The following INSRR variants were observed in gnomAD, a reference collection of about 807,000 sequenced individuals.
INSRR encodes the protein insulin receptor related receptor.
A neutral mutation model predicts 130.0 loss-of-function variants in INSRR; 114 were observed. That is an observed-to-expected ratio of 0.88 (90% CI 0.75 to 1.02). The LOEUF (loss-of-function observed/expected upper bound fraction) is 1.02, where lower values mean the gene tolerates loss of function less well. Among genes scored for constraint, INSRR ranks in the 50% least tolerant of loss-of-function variants. INSRR has a pLI of 0.00. For synonymous variants in INSRR, 674 were observed against 705.2 expected, an observed-to-expected ratio of 0.96 and a Z score of 0.70; for missense variants, 1,657 against 1,735.2, an observed-to-expected ratio of 0.95 and a Z score of 0.80.
chr1:156,844,494 G>A lies in INSRR; in HGVS notation c.2705C>T (p.Thr902Ile). The change falls in exon 14 of 22, where the codon ACA becomes ATA. Residue 902 changes from threonine (T) to isoleucine (I), a missense_variant. Thr to Ile is a moderately conservative substitution (Grantham distance 89, BLOSUM62 -1). Transcript: ENST00000368195. ...ATSLAGNGSW[T>I]DSVAFYILGP... ...AAGGATGTAGAAGGCAACACTGTCT[G>A]TCCAAGAGCCATTGCCAGCCAGTGA... The A allele has an allele frequency of 6.2e-7, 1 of 1,614,134 alleles. No homozygotes were observed.
In INSRR at chr1:156,854,356, A is replaced by C; in HGVS notation, c.86-53T>G. 2 of 1,513,862 alleles carry C rather than the reference A, an allele frequency of 1.3e-6. No individual in the cohort carries two copies. The highest frequency in any genetic ancestry group is 1.8e-6 in the Non-Finnish European group (2 of 1,125,326). 93.8% of individuals were successfully genotyped at this position (1,513,862 alleles called of 1,614,324 possible). ...GAGTACAGCCCAGGCCAAATTCCCC[A>C]TCCAGCCCTGGCAGCTTTGGAGGGG... On this transcript the variant is annotated intron_variant, in intron 1 of 21. Transcript: ENST00000368195. This position sits in a 1 kb window ranked among gnomAD's most constrained non-coding sequence, Gnocchi z 4.2.
chr1:156,844,910 C>T, intron 12 of INSRR, 67 bp from the exon 13 acceptor site: 1 of 1,597,068 alleles, frequency 6.3e-7, no homozygotes, highest in Non-Finnish European at 8.5e-7. Flanking sequence ...CAAACCCAAG[C>T]TAAACTGGGC....
intron 12 of INSRR, 26 bp downstream of exon 12, chr1:156,845,050 A>G: frequency 2.5e-6 from 4 of 1,587,800 alleles, no homozygotes; most frequent in Non-Finnish European, 3.4e-6. Flanking sequence ...TGATGGGGGT[A>G]GAAGGTGTGT....
In INSRR at chr1:156,849,350, C is replaced by A; in HGVS notation, c.1340G>T (p.Arg447Leu). Residue 447 changes from arginine (R) to leucine (L), a missense_variant, in exon 6 of 22, where the codon CGC becomes CTC. Transcript: ENST00000368195. ...VGKIYFAFNP[R>L]LCLEHIYRLE... ...TCGGTAGATGTGTTCCAAGCAGAGGCGCGGGTTGAAGGCGAAGTAGATCTT... is the reference window on the plus strand; with the variant it reads ...TCGGTAGATGTGTTCCAAGCAGAGGAGCGGGTTGAAGGCGAAGTAGATCTT... 1 of 1,613,918 alleles carries A rather than the reference C, an allele frequency of 6.2e-7. No individual in the cohort carries two copies. Among genetic ancestry groups the A allele is most frequent in the Non-Finnish European group, 8.5e-7 (1 of 1,180,002 alleles).
In INSRR at chr1:156,854,770, A is replaced by G. The variant is rs565660374; in HGVS notation, c.86-467T>C. The stretch of plus-strand genomic sequence containing the variant: ...CTGGATTGACAGTCATAGCCTCCCA[A>G]ACTGTCTCCCCAGTTCCACCCTTGT... On this transcript the variant is annotated intron_variant, in intron 1 of 21. Transcript: ENST00000368195. The surrounding 1 kb of genome is among the most constrained non-coding windows in gnomAD (Gnocchi z 4.2). Among the ~76,000 whole-genome samples the G allele has an allele frequency of 1.3e-5, 2 of 152,034 alleles. No individual in the cohort carries two copies. The highest frequency in any genetic ancestry group is 1.3e-4 in the Admixed American group (2 of 15,278).
Position 156,842,425 on chromosome 1 carries a change from A to G in INSRR, c.3210T>C (p.His1070=). The G allele has an allele frequency of 1.9e-6, 3 of 1,614,020 alleles. No individual in the cohort carries two copies. The highest frequency in any genetic ancestry group is 2.5e-6 in the Non-Finnish European group (3 of 1,179,974). Residue 1070 remains histidine, a synonymous_variant, in exon 18 of 22, where the codon CAT becomes CAC. Coordinates refer to ENST00000368195, the MANE Select transcript of INSRR (RefSeq NM_014215.3). ...CTGCCTCAGGCCGCAAAGATCGAAG[A>G]TGGCTCTTGAGGTCCCCACGGGTCA... ...ELMTRGDLKS[H]LRSLRPEAEN...
At chr1:156,847,399 G>A (rs555793019) in intron 7 of INSRR, among the ~76,000 whole-genome samples, 1 of 152,344 alleles carries the variant, frequency 6.6e-6, no homozygotes, top group East Asian at 1.9e-4. Context: ...AGCATCACTG[G>A]CTTTAGGGGT....
In INSRR at chr1:156,846,775, G is replaced by C. The variant is rs1655030312; in HGVS notation, c.1572-18C>G. The C allele has an allele frequency of 6.3e-7, 1 of 1,591,440 alleles. No individual in the cohort carries two copies. Among genetic ancestry groups the C allele is most frequent in the Admixed American group, 1.7e-5 (1 of 59,944 alleles). On this transcript the variant is annotated intron_variant, in intron 7 of 21. Transcript: ENST00000368195. The stretch of plus-strand genomic sequence containing the variant: ...GGAATGGGCTGAACACCCATCCCCA[G>C]AGCTGAGGGGTCATTCAACCCCACC...
At position 156,845,410 on chromosome 1, in the gene INSRR, G is replaced by A. The variant is rs1280548279; in HGVS notation, c.2178C>T (p.Ser726=). Residue 726 remains serine, a synonymous_variant, in exon 11 of 22, where the codon TCC becomes TCT. Coordinates refer to ENST00000368195, the MANE Select transcript of INSRR (RefSeq NM_014215.3). The part of the protein sequence containing the change: ...FLHNAITIPI[S]PWKVTSINKS... ...TGTTGATGGACGTCACCTTCCAAGGGGATCTGGGGAGGCCAGGAGTAGCCC... is the reference window on the plus strand; with the variant it reads ...TGTTGATGGACGTCACCTTCCAAGGAGATCTGGGGAGGCCAGGAGTAGCCC... The A allele has an allele frequency of 6.4e-7, 1 of 1,553,914 alleles. No individual in the cohort carries two copies. Among genetic ancestry groups the A allele is most frequent in the Admixed American group, 1.9e-5 (1 of 53,804 alleles).
chr1:156,844,418 A>G, intron 14 of INSRR, 44 bp downstream of exon 14: 1 of 1,598,382 alleles, frequency 6.3e-7, no homozygotes, highest in South Asian at 1.1e-5. Context: ...GGGACCAGGT[A>G]GGGCTGTTCG....
chr1:156,848,724 G>A (rs553580306), intron 7 of INSRR, among the ~76,000 whole-genome samples, 197 bp downstream of exon 7: 45 of 152,330 alleles, frequency 3.0e-4, no homozygotes, highest in African/African-American at 1.1e-3. Context: ...CTTGGTGAGG[G>A]GAAACCGAGG....
In INSRR at chr1:156,841,046, G is replaced by A; in HGVS notation, c.3721C>T (p.His1241Tyr). Reference protein sequence around the residue: ...PNPRLRPSFTHILDSIQEELR... With the variant: ...PNPRLRPSFTYILDSIQEELR... ...TCCTCCTGTATGCTGTCCAGAATGT[G>A]TGTGAAAGATGGGCGCAGGCGTGGG... Residue 1241 changes from histidine (H) to tyrosine (Y), a missense_variant, in exon 22 of 22, where the codon CAC (histidine) becomes TAC (tyrosine). By Grantham distance (83) the His-to-Tyr change is moderately conservative (BLOSUM62 2). Transcript: ENST00000368195. The A allele has an allele frequency of 6.3e-7, 1 of 1,595,948 alleles. No individual in the cohort carries two copies. The highest frequency in any genetic ancestry group is 8.5e-7 in the Non-Finnish European group (1 of 1,170,732).
chr1:156,856,874 C>G (rs1197631720), intron 1 of INSRR, among the ~76,000 whole-genome samples: 1 of 152,174 alleles, frequency 6.6e-6, no homozygotes, highest in Admixed American at 6.5e-5. Flanking sequence ...CCTGGACTCT[C>G]TTGCTCCCAA....
At chr1:156,856,072 G>A (rs1364024655) in intron 1 of INSRR, among the ~76,000 whole-genome samples, 1 of 151,982 alleles carries the variant, frequency 6.6e-6, no homozygotes, top group East Asian at 1.9e-4. Flanking sequence ...GCCTCCCAAA[G>A]TGATGGGATT....
At position 156,852,050 on chromosome 1, in the gene INSRR, C is replaced by T; in HGVS notation, c.779G>A (p.Trp260Ter). The part of the protein sequence containing the change: ...RHLYFQGACL[W>*]ACPPGTYQYE... ...CTGGTAGGTGCCTGGCGGGCAGGCCCACAGGCAGGCACCCTGGAAGTAGAG... is the reference window on the plus strand; with the variant it reads ...CTGGTAGGTGCCTGGCGGGCAGGCCTACAGGCAGGCACCCTGGAAGTAGAG... Residue 260 changes from tryptophan (W) to a stop codon, truncating the protein, a stop_gained, in exon 3 of 22, where the codon TGG becomes TAG. Coordinates refer to ENST00000368195, the MANE Select transcript of INSRR (RefSeq NM_014215.3). LOFTEE classifies it high-confidence loss of function. The T allele has an allele frequency of 1.2e-6, 2 of 1,613,574 alleles. No homozygotes were observed. The highest frequency in any genetic ancestry group is 2.2e-5 in the South Asian group (2 of 91,084).
intron 21 of INSRR, 136 bp from the exon 22 acceptor site, chr1:156,841,240 G>C: frequency 1.0e-6 from 1 of 954,646 alleles, no homozygotes; most frequent in East Asian, 2.6e-5. Flanking sequence ...GGATTAAATG[G>C]GAGTCTTGGG....
chr1:156,848,116 C>A (rs868695067), intron 7 of INSRR, among the ~76,000 whole-genome samples: 1 of 152,136 alleles, frequency 6.6e-6, no homozygotes, highest in East Asian at 1.9e-4. Context: ...CAGCTGCCCA[C>A]GCTGGAGACC....
chr1:156,849,729 C>T (rs1250975560), intron 5 of INSRR, among the ~76,000 whole-genome samples: 1 of 152,130 alleles, frequency 6.6e-6, no homozygotes, highest in East Asian at 1.9e-4. Flanking sequence ...ATCCTTCCCT[C>T]GACTCTCTTT....
chr1:156,849,570 G>A (rs1655133205), intron 5 of INSRR, 110 bp from the exon 6 acceptor site: 3 of 742,300 alleles, frequency 4.0e-6, no homozygotes, highest in South Asian at 3.4e-5. Context: ...CGGGGAGAGG[G>A]GCACTCAGTG....
Sources: allele counts gnomAD v4.1 joint callset (sites outside exome capture counted in the v4.1 genomes callset), GRCh38; gene constraint gnomAD v4.1.1; non-coding constraint Gnocchi (gnomAD v3.1); transcripts MANE v1.5; gene names NCBI Gene and HGNC (gene_info 2026-07-23, HGNC 2026-07-21).